Variants in CTIF observed in about 807,000 individuals in gnomAD.
CTIF encodes CBP80/20-dependent translation initiation factor.
In CTIF, 21 loss-of-function variants were observed where a neutral mutation model predicts 66.0. That is an observed-to-expected ratio of 0.32 (90% confidence interval 0.23 to 0.46). The LOEUF (loss-of-function observed/expected upper bound fraction) is 0.46. Among genes scored for constraint, CTIF ranks in the 20% least tolerant of loss-of-function variants. The pLI is 1.00. For missense variants in CTIF, 739 were observed against 812.7 expected, an observed-to-expected ratio of 0.91 and a Z score of 1.10; for synonymous variants, 345 against 326.4, an observed-to-expected ratio of 1.06 and a Z score of -0.62.
chr18:48,611,086 C>G (rs924435933), intron 1 of CTIF, among the ~76,000 whole-genome samples: 6 of 152,200 alleles, frequency 3.9e-5, no homozygotes, highest in African/African-American at 1.2e-4. Flanking sequence ...CAGCCTGGCT[C>G]TACCCATAGA....
chr18:48,577,817 C>T lies in CTIF; in HGVS notation c.-29+38505C>T, dbSNP rs139529826. ...CTCGAACTCCTGGGCTCAAGTGATC[C>T]GCCCATCTGGGCCTCCCAGAGTGCT... On this transcript the variant is annotated intron_variant, in intron 1 of 11. Transcript: ENST00000256413. Among the ~76,000 whole-genome samples the T allele has an allele frequency of 5.1e-3, 777 of 152,322 alleles. 7 individuals are homozygous for T. The highest frequency in any genetic ancestry group is 7.9e-3 in the Non-Finnish European group (540 of 68,040).
At chr18:48,817,401 C>T (rs767297465) in intron 10 of CTIF, 25 bp downstream of exon 10, 2 of 1,593,944 alleles carry the variant, frequency 1.3e-6, no homozygotes, top group Admixed American at 1.7e-5. Context: ...GCCTGTGCCC[C>T]CTGCACAGCC....
chr18:48,616,735 C>T (rs11664663), intron 1 of CTIF, among the ~76,000 whole-genome samples: 10,444 of 152,208 alleles, frequency 0.069, 374 homozygotes, highest in Middle Eastern at 0.14. Context: ...GAAATTGCAG[C>T]ATTCATACCC....
Position 48,862,750 on chromosome 18 carries a change from G to C in CTIF, c.*3191G>C, listed in dbSNP as rs1383575501. 6.6e-6 allele frequency: 1 copy of C among 152,364 alleles called. No homozygotes were observed. The highest frequency in any genetic ancestry group is 1.5e-5 in the Non-Finnish European group (1 of 68,080). The allele number at this position is 152,364 out of a possible 1,614,324, so 9.4% of individuals were successfully genotyped here. A position where few individuals can be genotyped will look rare whatever the true frequency, so the allele number is the denominator to read the frequency against. On this transcript the variant is annotated 3_prime_UTR_variant, in exon 12 of 12. Transcript: ENST00000256413. ...AGATCAGGCCGGGGCAGCTGTAGGG[G>C]CGGGGGCCCAGACAGCCAGGCCGCC...
Position 48,735,104 on chromosome 18 carries a change from T to C in CTIF, c.585-22815T>C, listed in dbSNP as rs560211844. The stretch of plus-strand genomic sequence containing the variant: ...TATGTCCAGTTTGTGTGCGTGTGTG[T>C]GTGTGTGTGTGTGATGGCACAGTGC... On this transcript the variant is annotated intron_variant, in intron 7 of 11. Coordinates refer to ENST00000256413, the MANE Select transcript of CTIF (RefSeq NM_014772.3). Among the ~76,000 whole-genome samples, 530 of 152,152 alleles carry C rather than the reference T, an allele frequency of 3.5e-3. 1 individual carries two copies. The highest frequency in any genetic ancestry group is 5.9e-3 in the Non-Finnish European group (401 of 67,988).
chr18:48,654,653 T>C (rs1432669389), intron 3 of CTIF, among the ~76,000 whole-genome samples: 4 of 152,240 alleles, frequency 2.6e-5, no homozygotes, highest in Admixed American at 2.6e-4. Flanking sequence ...TAAATCATGC[T>C]ACTATAAAGA....
At chr18:48,821,507 C>G (rs1038288145) in intron 10 of CTIF, among the ~76,000 whole-genome samples, 1 of 152,242 alleles carries the variant, frequency 6.6e-6, no homozygotes, top group Non-Finnish European at 1.5e-5. Flanking sequence ...AGGGGCTACT[C>G]TGTTTGTTTT....
intron 3 of CTIF, 87 bp downstream of exon 3, chr18:48,636,772 G>A (rs1402808659): frequency 2.0e-6 from 2 of 1,021,626 alleles, no homozygotes; most frequent in African/African-American, 3.3e-5. Flanking sequence ...GGCTCCTGAG[G>A]AGTGGTGACA....
chr18:48,693,897 C>T (rs540672911), intron 6 of CTIF, among the ~76,000 whole-genome samples: 5 of 152,370 alleles, frequency 3.3e-5, no homozygotes, highest in African/African-American at 9.6e-5. Flanking sequence ...TGACTCTTTA[C>T]AGGAAATCTG....
At chr18:48,745,320 T>C (rs2092587372) in intron 7 of CTIF, among the ~76,000 whole-genome samples, 1 of 152,234 alleles carries the variant, frequency 6.6e-6, no homozygotes, top group African/African-American at 2.4e-5. Context: ...TTTAATCCCC[T>C]GCCTGGTGAT....
At chr18:48,816,561 A>G (rs964586365) in intron 9 of CTIF, among the ~76,000 whole-genome samples, 1 of 152,134 alleles carries the variant, frequency 6.6e-6, no homozygotes, top group South Asian at 2.1e-4. Flanking sequence ...GGTTTTTTAT[A>G]CTTTCTTCTC....
intron 6 of CTIF, among the ~76,000 whole-genome samples, chr18:48,711,277 A>T (rs963020881): frequency 6.6e-6 from 1 of 152,216 alleles, no homozygotes; most frequent in African/African-American, 2.4e-5. Context: ...ACCTGGCCCC[A>T]GCTCTGTTGC....
intron 7 of CTIF, among the ~76,000 whole-genome samples, chr18:48,723,910 T>G (rs2092363587): frequency 6.6e-6 from 1 of 152,222 alleles, no homozygotes; most frequent in Non-Finnish European, 1.5e-5. Flanking sequence ...CCAAAAGTGA[T>G]GCAGGGACTC....
At chr18:48,805,131 TCA>T (rs1402745195) in intron 9 of CTIF, among the ~76,000 whole-genome samples, 1 of 152,200 alleles carries the variant, frequency 6.6e-6, no homozygotes, top group Non-Finnish European at 1.5e-5. Flanking sequence ...ACCTGATGTG[TCA>T]CAGTGTCTGT....
At position 48,544,916 on chromosome 18, in the gene CTIF, G is replaced by A. The variant is rs139497921; in HGVS notation, c.-29+5604G>A. Among the ~76,000 whole-genome samples the A allele has an allele frequency of 2.4e-4, 36 of 152,344 alleles. No individual in the cohort carries two copies. The East Asian group carries it at 5.6e-3, about 24-fold the overall frequency. On this transcript the variant is annotated intron_variant, in intron 1 of 11. Transcript: ENST00000256413. ...AGCCAGCTTTCTAGTGGGAGAGACA[G>A]ATGCATAAACAGTTCCATTCAACGT...
intron 6 of CTIF, among the ~76,000 whole-genome samples, chr18:48,698,346 T>G (rs554673937): frequency 2.0e-5 from 3 of 151,872 alleles, no homozygotes; most frequent in African/African-American, 7.3e-5. Context: ...GCAGCTGGCA[T>G]GGGACTCGCT....
intron 1 of CTIF, among the ~76,000 whole-genome samples, chr18:48,589,323 G>C (rs2089840183): frequency 6.6e-6 from 1 of 152,190 alleles, no homozygotes; most frequent in East Asian, 1.9e-4. Flanking sequence ...AACAGTCCTT[G>C]GCATGTTAGG....
At chr18:48,629,358 C>T (rs1038892623) in intron 2 of CTIF, among the ~76,000 whole-genome samples, 1 of 152,194 alleles carries the variant, frequency 6.6e-6, no homozygotes, top group Non-Finnish European at 1.5e-5. Context: ...GCAAACAATT[C>T]TTGCATATCC....
chr18:48,747,148 A>G (rs745939022), intron 7 of CTIF, among the ~76,000 whole-genome samples: 19 of 152,204 alleles, frequency 1.2e-4, no homozygotes, highest in Admixed American at 1.2e-3. Context: ...CAAAGCTGGT[A>G]TGTGGCTCTA....
Sources: allele counts gnomAD v4.1 joint callset (sites outside exome capture counted in the v4.1 genomes callset), GRCh38; gene constraint gnomAD v4.1.1; transcripts MANE v1.5; gene names NCBI Gene and HGNC (gene_info 2026-07-23, HGNC 2026-07-21).